Variants in ST18 observed in about 807,000 individuals in gnomAD.
The protein encoded by ST18 is ST18 C2H2C-type zinc finger transcription factor.
Under a neutral mutation model 110.0 loss-of-function variants are expected in ST18, and 50 were observed. That is an observed-to-expected ratio of 0.45 (90% CI 0.36 to 0.58). The LOEUF is 0.58. Among genes scored for constraint, ST18 ranks in the 20% least tolerant of loss-of-function variants. The pLI is 0.00. For missense variants in ST18, 1,306 were observed against 1,280.1 expected (o/e 1.02, Z -0.31); for synonymous variants, 461 against 452.4 (o/e 1.02, Z -0.24).
At chr8:52,275,260 T>C (rs918576427) in intron 2 of ST18, among the ~76,000 whole-genome samples, 1 of 152,226 alleles carries the variant, frequency 6.6e-6, no homozygotes, top group Non-Finnish European at 1.5e-5. Flanking sequence ...AAATAAAAAC[T>C]TGTGACCTTG....
At chr8:52,120,110 T>C (rs2044101494) in intron 23 of ST18, among the ~76,000 whole-genome samples, 1 of 152,162 alleles carries the variant, frequency 6.6e-6, no homozygotes, top group African/African-American at 2.4e-5. Context: ...AGAATTGTAC[T>C]GCATCTTGGA....
At chr8:52,157,326 C>T (rs1489024536) in intron 15 of ST18, among the ~76,000 whole-genome samples, 2 of 152,056 alleles carry the variant, frequency 1.3e-5, no homozygotes, top group East Asian at 1.9e-4. Flanking sequence ...CACAGATGGA[C>T]AGCATTCATT....
rs745728482 is a variant in ST18, at chr8:52,126,072, A to C, written c.2735T>G (p.Ile912Ser). The part of the protein sequence containing the change: ...KGKVSEELMT[I>S]KLKATGGIES... The stretch of plus-strand genomic sequence containing the variant: ...CTTACCCCCAGTTGCTTTGAGCTTG[A>C]TGGTCATGAGTTCTTCAGAAACCTT... The change falls in exon 23 of 26, where the codon ATC becomes AGC. Residue 912 changes from isoleucine (I) to serine (S), a missense_variant. Physicochemically the swap from Ile to Ser is moderately radical, Grantham distance 142. Coordinates refer to ENST00000689386, the MANE Select transcript of ST18 (RefSeq NM_001352837.2). The C allele has an allele frequency of 5.0e-6, 8 of 1,614,028 alleles. No homozygotes were observed. The East Asian group carries it at 1.3e-4, about 27-fold the overall frequency.
At chr8:52,185,661 G>C (rs993236853) in intron 8 of ST18, among the ~76,000 whole-genome samples, 2 of 152,086 alleles carry the variant, frequency 1.3e-5, no homozygotes, top group African/African-American at 4.8e-5. Flanking sequence ...GATGACAAAG[G>C]CATCATTGGG....
At chr8:52,387,548 T>A (rs2140928403) in intron 2 of ST18, among the ~76,000 whole-genome samples, 1 of 152,218 alleles carries the variant, frequency 6.6e-6, no homozygotes, top group Non-Finnish European at 1.5e-5. Context: ...TTTTTATAGG[T>A]CAGGCTTATT....
intron 2 of ST18, among the ~76,000 whole-genome samples, chr8:52,374,696 CT>C (rs1463057979): frequency 6.6e-6 from 1 of 152,092 alleles, no homozygotes; most frequent in East Asian, 1.9e-4. Context: ...CCATACCCCC[CT>C]GACAGGCTGC....
intron 2 of ST18, among the ~76,000 whole-genome samples, chr8:52,244,679 T>A (rs1351149290): frequency 1.3e-5 from 2 of 152,202 alleles, no homozygotes; most frequent in Admixed American, 6.6e-5. Flanking sequence ...TGTCCCTACA[T>A]GTTTTCCAAA....
chr8:52,333,560 G>A (rs1174451497), intron 2 of ST18, among the ~76,000 whole-genome samples: 1 of 152,202 alleles, frequency 6.6e-6, no homozygotes, highest in African/African-American at 2.4e-5. Flanking sequence ...ATAGAAAAAG[G>A]CAATGCCAAA....
intron 2 of ST18, among the ~76,000 whole-genome samples, chr8:52,278,916 A>G (rs915205082): frequency 1.3e-5 from 2 of 152,218 alleles, no homozygotes; most frequent in Non-Finnish European, 2.9e-5. Context: ...GGAGGCAAGT[A>G]CAAATTCCCC....
intron 17 of ST18, among the ~76,000 whole-genome samples, chr8:52,140,192 C>A (rs2054377871): frequency 6.6e-6 from 1 of 152,318 alleles, no homozygotes; most frequent in Non-Finnish European, 1.5e-5. Context: ...AACTCAGACA[C>A]ATGCAAATAA....
chr8:52,385,921 C>T (rs1256225000), intron 2 of ST18, among the ~76,000 whole-genome samples: 13 of 152,190 alleles, frequency 8.5e-5, no homozygotes, highest in Admixed American at 8.5e-4. Context: ...CACTCTCTTA[C>T]TGTGTCCTAG....
intron 2 of ST18, among the ~76,000 whole-genome samples, chr8:52,242,065 A>C (rs1242926044): frequency 6.6e-6 from 1 of 152,142 alleles, no homozygotes; most frequent in Non-Finnish European, 1.5e-5. Flanking sequence ...CAATAACTTG[A>C]CTCTTTTTAT....
intron 2 of ST18, among the ~76,000 whole-genome samples, chr8:52,293,860 T>C (rs538583562): frequency 3.9e-5 from 6 of 152,292 alleles, no homozygotes; most frequent in Non-Finnish European, 7.3e-5. Context: ...AGCTCCAAGA[T>C]TATATCAATA....
chr8:52,208,795 G>A (rs1388815218), intron 8 of ST18, among the ~76,000 whole-genome samples: 1 of 152,070 alleles, frequency 6.6e-6, no homozygotes, highest in Non-Finnish European at 1.5e-5. Context: ...TCTAGCCTGG[G>A]CGACACAGTG....
intron 13 of ST18, among the ~76,000 whole-genome samples, chr8:52,163,100 C>T (rs2061891639): frequency 6.6e-6 from 1 of 152,176 alleles, no homozygotes; most frequent in Admixed American, 6.5e-5. Context: ...CTAGAGTGTA[C>T]AGTCATACCA....
rs142094803 is a variant in ST18, at chr8:52,383,960, C to T, written c.-465+25368G>A. Among the ~76,000 whole-genome samples the T allele has an allele frequency of 3.4e-3, 518 of 152,090 alleles. 5 individuals are homozygous for T. The highest frequency in any genetic ancestry group is 0.012 in the African/African-American group (495 of 41,470). On this transcript the variant is annotated intron_variant, in intron 2 of 25. Coordinates refer to ENST00000689386, the MANE Select transcript of ST18 (RefSeq NM_001352837.2). ...GGAGAGGAGGTCTATGTTGCCCAGG[C>T]CGATCTCAAACTCCTGGGCTCAAGC...
At chr8:52,305,794 G>A (rs573403507) in intron 2 of ST18, among the ~76,000 whole-genome samples, 1 of 152,318 alleles carries the variant, frequency 6.6e-6, no homozygotes, top group African/African-American at 2.4e-5. Context: ...CCACCATGGT[G>A]CAAGCACTCA....
chr8:52,385,720 G>GA (rs112719770), intron 2 of ST18, among the ~76,000 whole-genome samples: 2,263 of 108,838 alleles, frequency 0.021, 51 homozygotes, highest in African/African-American at 0.063. Flanking sequence ...AAACAAATTA[G>GA]AAAAAAAAAA....
chr8:52,291,611 T>A lies in ST18; in HGVS notation c.-464-61534A>T, dbSNP rs535746551. Among the ~76,000 whole-genome samples the A allele has an allele frequency of 2.5e-4, 38 of 152,328 alleles. No homozygotes were observed. The South Asian group carries it at 7.7e-3, about 31-fold the overall frequency. Reference sequence around the variant, plus strand: ...AACTAAAACTGCTCATTAAAATATATATATTTCTATATCTTCTTTTGATTT... The same window carrying A: ...AACTAAAACTGCTCATTAAAATATAAATATTTCTATATCTTCTTTTGATTT... On this transcript the variant is annotated intron_variant, in intron 2 of 25. Coordinates refer to ENST00000689386, the MANE Select transcript of ST18 (RefSeq NM_001352837.2).
Sources: allele counts gnomAD v4.1 joint callset (sites outside exome capture counted in the v4.1 genomes callset), GRCh38; gene constraint gnomAD v4.1.1; transcripts MANE v1.5; gene names NCBI Gene and HGNC (gene_info 2026-07-23, HGNC 2026-07-21).